The following CELF4 variants were observed in gnomAD, a reference collection of about 807,000 sequenced individuals.
CELF4 encodes CUGBP Elav-like family member 4.
In CELF4, 18 loss-of-function variants were observed where a neutral mutation model predicts 59.9. The ratio of observed to expected loss-of-function variants is 0.30; its 90% CI spans 0.21 to 0.45. The LOEUF is 0.45. CELF4 is among the 20% of genes least tolerant of loss of function. The pLI, the probability that CELF4 is intolerant of heterozygous loss-of-function variation, is 1.00. For missense variants in CELF4, 456 were observed against 689.0 expected (o/e 0.66, Z 3.79); for synonymous variants, 261 against 267.1 (o/e 0.98, Z 0.22).
chr18:37,526,949 C>T (rs955607740), intron 1 of CELF4, among the ~76,000 whole-genome samples: 2 of 152,086 alleles, frequency 1.3e-5, no homozygotes, highest in Admixed American at 6.5e-5. Flanking sequence ...CCGACATGTC[C>T]GGGCCTCAGT....
At position 37,243,186 on chromosome 18, in the gene CELF4, C is replaced by CTTTTTTTTTTTTTTTTTTTTTTTTT. The variant is rs561464294; in HGVS notation, c.*2055_*2056insAAAAAAAAAAAAAAAAAAAAAAAAA. 1 of 100,556 alleles carries CTTTTTTTTTTTTTTTTTTTTTTTTT rather than the reference C, an allele frequency of 9.9e-6. No homozygotes were observed. The highest frequency in any genetic ancestry group is 4.1e-5 in the African/African-American group (1 of 24,128). 6.2% of individuals were successfully genotyped at this position (100,556 alleles called of 1,614,324 possible). A position where few individuals can be genotyped will look rare whatever the true frequency, so the allele number is the denominator to read the frequency against. On this transcript the variant is annotated 3_prime_UTR_variant, in exon 13 of 13. Coordinates refer to ENST00000420428, the MANE Select transcript of CELF4 (RefSeq NM_020180.4). The stretch of plus-strand genomic sequence containing the variant: ...TGTTTTCTTTTTTTTTTCTTTTTTT[C>CTTTTTTTTTTTTTTTTTTTTTTTTT]TTTTTTTTTTTTTTTTTTTTACATC...
intron 2 of CELF4, among the ~76,000 whole-genome samples, chr18:37,428,313 G>C (rs988295223): frequency 3.9e-5 from 6 of 152,062 alleles, no homozygotes; most frequent in Non-Finnish European, 8.8e-5. Flanking sequence ...AGGAGGGGGC[G>C]GTGTGGAACT....
At chr18:37,513,257 T>C (rs1283357599) in intron 1 of CELF4, among the ~76,000 whole-genome samples, 1 of 152,156 alleles carries the variant, frequency 6.6e-6, no homozygotes, top group African/African-American at 2.4e-5. Context: ...CTAGAAAGTG[T>C]CTCCCAGTTC....
At chr18:37,420,186 G>A (rs189304323) in intron 2 of CELF4, among the ~76,000 whole-genome samples, 94 of 152,358 alleles carry the variant, frequency 6.2e-4, no homozygotes, top group Non-Finnish European at 1.1e-3. Flanking sequence ...TCCAGTGTCT[G>A]ATAGCAGGCA....
rs138335990 is a variant in CELF4 at position 37,265,842 on chromosome 18, A to G, written c.1165+691T>C. 2.6e-5 allele frequency among the ~76,000 whole-genome samples: 4 copies of G among 152,288 alleles called. No individual in the cohort carries two copies. In the East Asian group the frequency reaches 7.7e-4, roughly 29 times the overall value. On this transcript the variant is annotated intron_variant, in intron 9 of 12. Transcript: ENST00000420428. The stretch of plus-strand genomic sequence containing the variant: ...GCACTGGCTCTTCTAAGCACAGGGA[A>G]GAGAGACCCTGATCAGGTCAGGCAG...
chr18:37,505,202 T>C (rs948711295), intron 1 of CELF4, among the ~76,000 whole-genome samples: 2 of 152,098 alleles, frequency 1.3e-5, no homozygotes, highest in African/African-American at 4.8e-5. Context: ...TGAGGCCAGA[T>C]TGATGACCAA....
At chr18:37,481,660 G>A (rs1327171587) in intron 2 of CELF4, among the ~76,000 whole-genome samples, 2 of 152,194 alleles carry the variant, frequency 1.3e-5, no homozygotes, top group Non-Finnish European at 2.9e-5. Context: ...GGCCTGTTGT[G>A]TGTGCCTCGA....
At chr18:37,328,319 A>T (rs2154529161) in intron 2 of CELF4, among the ~76,000 whole-genome samples, 1 of 152,288 alleles carries the variant, frequency 6.6e-6, no homozygotes, top group East Asian at 1.9e-4. Context: ...GAAGGTGGGG[A>T]CTGATGCCCC....
At chr18:37,503,895 C>A (rs2099934534) in intron 1 of CELF4, among the ~76,000 whole-genome samples, 1 of 152,134 alleles carries the variant, frequency 6.6e-6, no homozygotes, top group Non-Finnish European at 1.5e-5. Flanking sequence ...CTTCCCTGAC[C>A]CCATCTGGAG....
At chr18:37,286,914 C>A (rs905412816) in intron 3 of CELF4, among the ~76,000 whole-genome samples, 1 of 152,176 alleles carries the variant, frequency 6.6e-6, no homozygotes, top group African/African-American at 2.4e-5. Flanking sequence ...GGCCTCCCCG[C>A]GAGACCCAGG....
At chr18:37,524,595 G>A (rs1282285293) in intron 1 of CELF4, among the ~76,000 whole-genome samples, 1 of 152,048 alleles carries the variant, frequency 6.6e-6, no homozygotes, top group Non-Finnish European at 1.5e-5. Flanking sequence ...GCCCCGGAGC[G>A]GGAAGATCCA....
At chr18:37,376,025 T>C (rs997399899) in intron 2 of CELF4, among the ~76,000 whole-genome samples, 6 of 152,172 alleles carry the variant, frequency 3.9e-5, no homozygotes, top group Non-Finnish European at 8.8e-5. Context: ...TTAATTGCAA[T>C]GGAAAGTAAT....
At chr18:37,352,986 C>T (rs1422958210) in intron 2 of CELF4, among the ~76,000 whole-genome samples, 2 of 151,974 alleles carry the variant, frequency 1.3e-5, no homozygotes, top group South Asian at 2.1e-4. Context: ...CTTTGGGAGG[C>T]CAAGGTGGGC....
At chr18:37,315,910 CAT>C (rs781137789) in intron 3 of CELF4, among the ~76,000 whole-genome samples, 11 of 152,318 alleles carry the variant, frequency 7.2e-5, no homozygotes, top group East Asian at 3.9e-4. Flanking sequence ...TGCCTGAGGC[CAT>C]GGTAGTCAGA....
At chr18:37,386,025 T>C (rs1366260452) in intron 2 of CELF4, among the ~76,000 whole-genome samples, 6 of 152,242 alleles carry the variant, frequency 3.9e-5, no homozygotes, top group Admixed American at 6.5e-5. Flanking sequence ...ATTCTAAATA[T>C]GGCCACCAGG....
chr18:37,264,155 C>G (rs1398612644), intron 10 of CELF4, among the ~76,000 whole-genome samples: 1 of 152,206 alleles, frequency 6.6e-6, no homozygotes, highest in Non-Finnish European at 1.5e-5. Context: ...AGTGAAGACC[C>G]CAAGGATGGG....
At chr18:37,378,290 G>A (rs142772309) in intron 2 of CELF4, among the ~76,000 whole-genome samples, 19 of 152,300 alleles carry the variant, frequency 1.2e-4, no homozygotes, top group African/African-American at 4.1e-4. Flanking sequence ...GTCGCAGGAG[G>A]TGGGGTATGG....
intron 1 of CELF4, among the ~76,000 whole-genome samples, chr18:37,547,589 G>T (rs970634552): frequency 8.5e-5 from 13 of 152,338 alleles, no homozygotes; most frequent in African/African-American, 3.1e-4. Context: ...TCTGTGGGTT[G>T]ACGCAGAAGG....
chr18:37,331,032 T>C (rs1287588791), intron 2 of CELF4, among the ~76,000 whole-genome samples: 1 of 152,174 alleles, frequency 6.6e-6, no homozygotes, highest in Non-Finnish European at 1.5e-5. Flanking sequence ...AAATTTGGTC[T>C]CTGCTCCCAC....
Sources: gnomAD v4.1 joint callset for allele counts (sites outside exome capture counted in the v4.1 genomes callset) on GRCh38, gnomAD v4.1.1 for gene constraint, MANE v1.5 for transcripts, NCBI Gene and HGNC (gene_info 2026-07-23, HGNC 2026-07-21) for gene names.